Variants in KCNJ3 observed in about 807,000 individuals in gnomAD.
KCNJ3 encodes G protein-activated inward rectifier potassium channel 1.
In KCNJ3, 4 loss-of-function variants were observed where a neutral mutation model predicts 39.2. That is an observed-to-expected ratio of 0.10 (90% CI 0.05 to 0.23). KCNJ3 has a LOEUF of 0.23. Ranked by LOEUF, KCNJ3 falls within the 10% of genes least tolerant of loss-of-function variation. KCNJ3 has a pLI of 1.00. For missense variants in KCNJ3, 276 were observed against 634.9 expected (o/e 0.43, Z 6.08); for synonymous variants, 230 against 237.4 (o/e 0.97, Z 0.29).
intron 2 of KCNJ3, among the ~76,000 whole-genome samples, chr2:154,742,957 A>T (rs1206051949): frequency 6.6e-6 from 1 of 151,866 alleles, no homozygotes; most frequent in African/African-American, 2.4e-5. Context: ...TCAATGTTGT[A>T]AGCTATTGCC....
chr2:154,749,133 G>A (rs1236618374), intron 2 of KCNJ3, among the ~76,000 whole-genome samples: 3 of 152,012 alleles, frequency 2.0e-5, no homozygotes, highest in Admixed American at 6.6e-5. Flanking sequence ...CAGAAGTGAA[G>A]GTGTTCTTAT....
At chr2:154,799,072 A>G (rs1423511570) in intron 2 of KCNJ3, among the ~76,000 whole-genome samples, 3 of 152,096 alleles carry the variant, frequency 2.0e-5, no homozygotes, top group Non-Finnish European at 4.4e-5. Flanking sequence ...AGAATTACGT[A>G]TGTAATTCTA....
At chr2:154,749,785 C>A (rs1016805085) in intron 2 of KCNJ3, among the ~76,000 whole-genome samples, 2 of 151,714 alleles carry the variant, frequency 1.3e-5, no homozygotes, top group African/African-American at 4.8e-5. Context: ...CCCCTTTCCT[C>A]CATCTTTGAA....
At chr2:154,700,769 A>G (rs1177218280) in intron 1 of KCNJ3, among the ~76,000 whole-genome samples, 1 of 152,134 alleles carries the variant, frequency 6.6e-6, no homozygotes, top group Non-Finnish European at 1.5e-5. Context: ...CACTTACAAG[A>G]TCTTACCATA....
At chr2:154,806,038 A>G (rs1686905941) in intron 2 of KCNJ3, among the ~76,000 whole-genome samples, 1 of 152,216 alleles carries the variant, frequency 6.6e-6, no homozygotes, top group African/African-American at 2.4e-5. Context: ...TTATAAAGAT[A>G]TATTCCATTT....
intron 2 of KCNJ3, among the ~76,000 whole-genome samples, chr2:154,851,941 A>T (rs1687763036): frequency 6.6e-6 from 1 of 152,206 alleles, no homozygotes; most frequent in Non-Finnish European, 1.5e-5. Context: ...GCAATGTGAA[A>T]ATAAAAAAAA....
chr2:154,804,384 C>T (rs1686874440), intron 2 of KCNJ3, among the ~76,000 whole-genome samples: 1 of 152,118 alleles, frequency 6.6e-6, no homozygotes, highest in Non-Finnish European at 1.5e-5. Flanking sequence ...GATACCGGGT[C>T]ACTTGATTTT....
intron 2 of KCNJ3, among the ~76,000 whole-genome samples, chr2:154,734,833 C>A (rs1279573720): frequency 6.6e-6 from 1 of 152,088 alleles, no homozygotes; most frequent in East Asian, 1.9e-4. Flanking sequence ...TAATTATGGG[C>A]AAAGATACTG....
At chr2:154,710,483 T>C (rs1237012123) in intron 2 of KCNJ3, among the ~76,000 whole-genome samples, 1 of 152,228 alleles carries the variant, frequency 6.6e-6, no homozygotes, top group Non-Finnish European at 1.5e-5. Context: ...TGCTATTTTC[T>C]GAGGACAGTT....
intron 1 of KCNJ3, among the ~76,000 whole-genome samples, chr2:154,700,065 T>C (rs1684861362): frequency 6.6e-6 from 1 of 152,288 alleles, no homozygotes; most frequent in Admixed American, 6.5e-5. Flanking sequence ...AAGCAGATAG[T>C]AAAGTGGAAG....
chr2:154,843,134 G>A (rs1341957132), intron 2 of KCNJ3, among the ~76,000 whole-genome samples: 5 of 152,192 alleles, frequency 3.3e-5, no homozygotes, highest in Non-Finnish European at 5.9e-5. Context: ...CAGGCCTGGT[G>A]GTGACAAAAT....
chr2:154,710,851 G>A (rs1685092548), intron 2 of KCNJ3, among the ~76,000 whole-genome samples: 1 of 152,126 alleles, frequency 6.6e-6, no homozygotes, highest in South Asian at 2.1e-4. Flanking sequence ...GTAACAGTCA[G>A]TATTGTCCAA....
At chr2:154,718,139 T>C (rs1005896427) in intron 2 of KCNJ3, among the ~76,000 whole-genome samples, 1 of 152,214 alleles carries the variant, frequency 6.6e-6, no homozygotes, top group Non-Finnish European at 1.5e-5. Flanking sequence ...TTTGTATAGA[T>C]TGGACATCTC....
rs77701942 is a variant in KCNJ3, at chr2:154,798,744, T to C, written c.920-55983T>C. 2.0e-5 allele frequency among the ~76,000 whole-genome samples: 3 copies of C among 152,202 alleles called. No individual in the cohort carries two copies. In the South Asian group the frequency reaches 6.2e-4, roughly 31 times the overall value. On this transcript the variant is annotated intron_variant, in intron 2 of 2. Coordinates refer to ENST00000295101, the MANE Select transcript of KCNJ3 (RefSeq NM_002239.4). Reference sequence around the variant, plus strand: ...CTTAGCATAATGTCCTCAAGGTTCATCCATGTTGTTGCATATTGCAAAATT... The same window carrying C: ...CTTAGCATAATGTCCTCAAGGTTCACCCATGTTGTTGCATATTGCAAAATT...
chr2:154,743,158 T>G (rs1025455880), intron 2 of KCNJ3, among the ~76,000 whole-genome samples: 1 of 151,922 alleles, frequency 6.6e-6, no homozygotes, highest in Non-Finnish European at 1.5e-5. Context: ...GACATCTTTG[T>G]CAAAAATTAT....
chr2:154,727,123 C>T (rs2105164406), intron 2 of KCNJ3, among the ~76,000 whole-genome samples: 1 of 152,058 alleles, frequency 6.6e-6, no homozygotes, highest in African/African-American at 2.4e-5. Flanking sequence ...AAAAACTTAG[C>T]CATGTAACCA....
intron 2 of KCNJ3, among the ~76,000 whole-genome samples, chr2:154,757,857 A>G (rs923614494): frequency 6.6e-6 from 1 of 152,156 alleles, no homozygotes; most frequent in African/African-American, 2.4e-5. Context: ...TTATAAGGGT[A>G]CTAATCCCAT....
chr2:154,734,730 C>T (rs1685496959), intron 2 of KCNJ3, among the ~76,000 whole-genome samples: 1 of 152,024 alleles, frequency 6.6e-6, no homozygotes, highest in African/African-American at 2.4e-5. Context: ...AAAGGTCAGA[C>T]TACACATCCC....
chr2:154,706,548 T>G (rs1558851626), intron 1 of KCNJ3, among the ~76,000 whole-genome samples: 1 of 152,138 alleles, frequency 6.6e-6, no homozygotes, highest in Non-Finnish European at 1.5e-5. Context: ...TTCTTTCACT[T>G]TCATATACAT....
Sources: gnomAD v4.1 joint callset for allele counts (sites outside exome capture counted in the v4.1 genomes callset) on GRCh38, gnomAD v4.1.1 for gene constraint, MANE v1.5 for transcripts, NCBI Gene and HGNC (gene_info 2026-07-23, HGNC 2026-07-21) for gene names.